The following KIAA1217 variants were observed in gnomAD, a reference collection of about 807,000 sequenced individuals.
KIAA1217 encodes sickle tail protein homolog.
Under a neutral mutation model 163.9 loss-of-function variants are expected in KIAA1217, and 88 were observed. The observed-to-expected ratio is 0.54, with a 90% CI of 0.45 to 0.64. KIAA1217 has a LOEUF of 0.64. Ranked by LOEUF, KIAA1217 falls within the 30% of genes least tolerant of loss-of-function variation. The pLI is 0.00. For missense variants in KIAA1217, 2,372 were observed against 2,475.0 expected, an observed-to-expected ratio of 0.96 and a Z score of 0.88; for synonymous variants, 903 against 923.1, an observed-to-expected ratio of 0.98 and a Z score of 0.39.
At chr10:24,277,588 C>G (rs2077450518) in intron 2 of KIAA1217, among the ~76,000 whole-genome samples, 1 of 152,202 alleles carries the variant, frequency 6.6e-6, no homozygotes, top group Non-Finnish European at 1.5e-5. Context: ...ATGCTATTTT[C>G]ATAATAGTGA....
At chr10:24,255,212 C>T (rs538475531) in intron 2 of KIAA1217, 102 of 215,948 alleles carry the variant, frequency 4.7e-4, no homozygotes, top group African/African-American at 1.7e-3. Context: ...GTGAGAACTA[C>T]GGAAAAGAGA....
rs58865993 is a variant in KIAA1217 at position 23,995,450 on chromosome 10, C to CTGTGTGTG, written c.-320-11750_-320-11743dup. ...CAATTCCATTACAGCCAATTATGGC[C>CTGTGTGTG]TGTGTGTGTGTGTGTGTGTGTGTGT... is the stretch of plus-strand genomic sequence containing the variant. On this transcript the variant is annotated intron_variant, in intron 1 of 18. Transcript: ENST00000376462. Among the ~76,000 whole-genome samples the CTGTGTGTG allele has an allele frequency of 1.6e-3, 235 of 147,822 alleles. 1 individual carries two copies. The highest frequency in any genetic ancestry group is 4.4e-3 in the African/African-American group (175 of 40,098).
chr10:24,065,930 T>A (rs2060925199), intron 2 of KIAA1217, among the ~76,000 whole-genome samples: 1 of 152,222 alleles, frequency 6.6e-6, no homozygotes, highest in African/African-American at 2.4e-5. Flanking sequence ...CTTTGTTAGT[T>A]TAAAGTCTGT....
intron 10 of KIAA1217, among the ~76,000 whole-genome samples, chr10:24,515,482 T>C (rs1199151440): frequency 1.3e-5 from 2 of 152,180 alleles, no homozygotes; most frequent in Admixed American, 6.5e-5. Context: ...CAGCCTAGCA[T>C]AGGAATGAGA....
chr10:23,990,711 T>A (rs772401060), intron 1 of KIAA1217, among the ~76,000 whole-genome samples: 1 of 152,002 alleles, frequency 6.6e-6, no homozygotes, highest in Non-Finnish European at 1.5e-5. Context: ...GAGCAAAGAG[T>A]CATGAGCAAA....
chr10:23,856,031 C>T (rs1839640626), intron 1 of KIAA1217, among the ~76,000 whole-genome samples: 3 of 152,226 alleles, frequency 2.0e-5, no homozygotes, highest in South Asian at 4.1e-4. Flanking sequence ...ATTCTCCGTC[C>T]AGCTTTGTTC....
At chr10:23,744,061 A>G (rs1839269556) in intron 1 of KIAA1217, among the ~76,000 whole-genome samples, 1 of 152,150 alleles carries the variant, frequency 6.6e-6, no homozygotes, top group Non-Finnish European at 1.5e-5. Context: ...CGTAGAAGGG[A>G]AGCATCCACA....
chr10:23,828,531 C>T (rs971535212), intron 1 of KIAA1217, among the ~76,000 whole-genome samples: 1 of 152,138 alleles, frequency 6.6e-6, no homozygotes, highest in Non-Finnish European at 1.5e-5. Flanking sequence ...GTAGCCTAAC[C>T]TGGAGTTCTA....
At chr10:24,088,543 G>C (rs1314287464) in intron 2 of KIAA1217, among the ~76,000 whole-genome samples, 1 of 114,204 alleles carries the variant, frequency 8.8e-6, no homozygotes, top group African/African-American at 2.7e-5. Flanking sequence ...AGAACATGCG[G>C]TGTTTGGTTT....
chr10:24,267,736 G>A (rs2076372004), intron 2 of KIAA1217, among the ~76,000 whole-genome samples: 1 of 152,158 alleles, frequency 6.6e-6, no homozygotes, highest in South Asian at 2.1e-4. Context: ...GAGTAATCAT[G>A]CTTTAGAAAG....
At chr10:24,181,509 G>T (rs781316118) in intron 2 of KIAA1217, among the ~76,000 whole-genome samples, 1 of 152,298 alleles carries the variant, frequency 6.6e-6, no homozygotes, top group East Asian at 1.9e-4. Context: ...GCTGGATTAT[G>T]GGGGGCTTTG....
At chr10:23,934,192 G>T (rs900533945) in intron 1 of KIAA1217, among the ~76,000 whole-genome samples, 3 of 152,114 alleles carry the variant, frequency 2.0e-5, no homozygotes, top group Non-Finnish European at 4.4e-5. Flanking sequence ...GTACACCGTG[G>T]AATACTATGC....
chr10:24,252,159 A>G (rs2074626049), intron 2 of KIAA1217, among the ~76,000 whole-genome samples: 1 of 152,186 alleles, frequency 6.6e-6, no homozygotes, highest in Admixed American at 6.5e-5. Context: ...CTCCTTCAAG[A>G]TTACTTAGTT....
At chr10:24,024,627 T>C (rs1463372970) in intron 2 of KIAA1217, among the ~76,000 whole-genome samples, 1 of 151,740 alleles carries the variant, frequency 6.6e-6, no homozygotes, top group Non-Finnish European at 1.5e-5. Context: ...TATCAAATTT[T>C]ATAAGAAACT....
intron 1 of KIAA1217, among the ~76,000 whole-genome samples, chr10:23,934,405 C>G: frequency 6.7e-6 from 1 of 150,016 alleles, no homozygotes; most frequent in East Asian, 2.0e-4. Flanking sequence ...GGGGAGGGAG[C>G]TTAGAGAATG....
chr10:24,371,004 A>G (rs1314453517), intron 2 of KIAA1217, among the ~76,000 whole-genome samples: 1 of 152,222 alleles, frequency 6.6e-6, no homozygotes, highest in Non-Finnish European at 1.5e-5. Flanking sequence ...GAACTTACCG[A>G]TGATCTAATT....
intron 1 of KIAA1217, among the ~76,000 whole-genome samples, chr10:23,797,619 A>G (rs918414764): frequency 2.0e-5 from 3 of 152,146 alleles, no homozygotes; most frequent in Admixed American, 1.3e-4. Flanking sequence ...AGAGGAAGCA[A>G]GCACGTTTTC....
intron 2 of KIAA1217, among the ~76,000 whole-genome samples, chr10:24,271,451 G>A (rs2076759889): frequency 6.6e-6 from 1 of 152,120 alleles, no homozygotes; most frequent in Non-Finnish European, 1.5e-5. Context: ...CTTTACTAAA[G>A]GAAAGAAGAG....
chr10:24,454,647 C>T (rs369551691), intron 5 of KIAA1217, among the ~76,000 whole-genome samples: 1 of 152,090 alleles, frequency 6.6e-6, no homozygotes, highest in African/African-American at 2.4e-5. Context: ...CTGATAGCTT[C>T]GTCTAGAATG....
Sources: allele counts gnomAD v4.1 joint callset (sites outside exome capture counted in the v4.1 genomes callset), GRCh38; gene constraint gnomAD v4.1.1; transcripts MANE v1.5; gene names NCBI Gene and HGNC (gene_info 2026-07-23, HGNC 2026-07-21).